Variants in SLC24A2 observed in about 807,000 individuals in gnomAD.
SLC24A2 encodes solute carrier family 24 member 2.
A neutral mutation model predicts 62.0 loss-of-function variants in SLC24A2; 36 were observed. The observed-to-expected ratio is 0.58, with a 90% confidence interval of 0.44 to 0.77. SLC24A2 has a LOEUF of 0.77. SLC24A2 is among the 30% of genes least tolerant of loss of function. The pLI is 0.00. For synonymous variants in SLC24A2, 358 were observed against 294.0 expected, an observed-to-expected ratio of 1.22 and a Z score of -2.23; for missense variants, 846 against 817.9, an observed-to-expected ratio of 1.03 and a Z score of -0.42.
the SLC24A2 span, among the ~76,000 whole-genome samples, chr9:20,210,019 T>C: frequency 6.6e-6 from 1 of 152,196 alleles, no homozygotes; most frequent in Non-Finnish European, 1.5e-5. Context: ...TGCAGACAGC[T>C]TAATTGAAGG....
At chr9:19,608,795 C>T (rs1315481874) in intron 4 of SLC24A2, among the ~76,000 whole-genome samples, 1 of 149,066 alleles carries the variant, frequency 6.7e-6, no homozygotes, top group Admixed American at 6.7e-5. Flanking sequence ...CACACACATA[C>T]ACACACACAC....
At chr9:19,517,076 C>G (rs1282468463) in intron 10 of SLC24A2, among the ~76,000 whole-genome samples, 3 of 152,196 alleles carry the variant, frequency 2.0e-5, no homozygotes, top group Non-Finnish European at 2.9e-5. Context: ...TACCTGTTTT[C>G]TCCCTTTTCA....
intron 8 of SLC24A2, among the ~76,000 whole-genome samples, chr9:19,541,425 G>T (rs1158281483): frequency 6.6e-6 from 1 of 152,058 alleles, no homozygotes; most frequent in Non-Finnish European, 1.5e-5. Context: ...CCTTCTAACA[G>T]ACAGGACCGT....
the SLC24A2 span, among the ~76,000 whole-genome samples, chr9:20,250,930 G>A: frequency 2.4e-4 from 37 of 152,092 alleles, no homozygotes; most frequent in African/African-American, 8.2e-4. Context: ...CTGATTCCTC[G>A]AAGCGCACTT....
intron 2 of SLC24A2, among the ~76,000 whole-genome samples, chr9:19,767,087 C>T (rs541115366): frequency 6.6e-6 from 1 of 152,290 alleles, no homozygotes; most frequent in Admixed American, 6.5e-5. Context: ...GACTTTGTTT[C>T]CACTGTGAGG....
chr9:19,668,638 C>G (rs1254062181), intron 2 of SLC24A2, among the ~76,000 whole-genome samples: 1 of 152,160 alleles, frequency 6.6e-6, no homozygotes, highest in Non-Finnish European at 1.5e-5. Flanking sequence ...TTCCCAGGCT[C>G]AAAGTATCCG....
intron 9 of SLC24A2, among the ~76,000 whole-genome samples, chr9:19,521,597 CAT>C (rs2132638481): frequency 6.6e-6 from 1 of 152,360 alleles, no homozygotes; most frequent in South Asian, 2.1e-4. Context: ...TTTGGTAACA[CAT>C]AGCAAAGCAA....
intron 2 of SLC24A2, among the ~76,000 whole-genome samples, chr9:19,624,217 C>T (rs753724666): frequency 1.3e-5 from 2 of 152,230 alleles, no homozygotes; most frequent in East Asian, 1.9e-4. Context: ...TGAGATTAAC[C>T]GTCAGAGCAC....
intron 8 of SLC24A2, among the ~76,000 whole-genome samples, chr9:19,546,472 C>T (rs187746009): frequency 6.6e-6 from 1 of 152,278 alleles, no homozygotes; most frequent in East Asian, 1.9e-4. Flanking sequence ...TTCCCGGTGG[C>T]TTTGTTTACA....
chr9:20,132,785 G>A, the SLC24A2 span, among the ~76,000 whole-genome samples: 44 of 152,050 alleles, frequency 2.9e-4, no homozygotes, highest in East Asian at 7.9e-3. Flanking sequence ...TATGTTTTTA[G>A]GTTCAATTTA....
At chr9:19,828,768 G>C in the SLC24A2 span, among the ~76,000 whole-genome samples, 1 of 152,336 alleles carries the variant, frequency 6.6e-6, no homozygotes, top group East Asian at 1.9e-4. Flanking sequence ...GGGTGGGTAA[G>C]TGGAGGGGAG....
chr9:20,141,769 C>T, the SLC24A2 span, among the ~76,000 whole-genome samples: 14 of 152,094 alleles, frequency 9.2e-5, no homozygotes, highest in Admixed American at 2.6e-4. Context: ...GCACCTAATA[C>T]GCTATAAAGA....
chr9:19,906,122 A>T, the SLC24A2 span, among the ~76,000 whole-genome samples: 1 of 152,352 alleles, frequency 6.6e-6, no homozygotes, highest in East Asian at 1.9e-4. Context: ...ATTATAACAA[A>T]CTGCCTCTCA....
At chr9:20,307,534 C>T in the SLC24A2 span, among the ~76,000 whole-genome samples, 1 of 152,154 alleles carries the variant, frequency 6.6e-6, no homozygotes, top group Non-Finnish European at 1.5e-5. Flanking sequence ...GAGAAAATTC[C>T]AGCAAATTGT....
chr9:20,092,028 A>G, the SLC24A2 span, among the ~76,000 whole-genome samples: 9 of 152,342 alleles, frequency 5.9e-5, no homozygotes. Context: ...ATTTATAAGT[A>G]GGAGCTAAAT....
chr9:19,684,005 G>A (rs553170856), intron 2 of SLC24A2, among the ~76,000 whole-genome samples: 31 of 152,174 alleles, frequency 2.0e-4, no homozygotes, highest in African/African-American at 7.0e-4. Context: ...ATTTGGAAAG[G>A]GCAATTTATT....
intron 7 of SLC24A2, among the ~76,000 whole-genome samples, chr9:19,558,908 G>A (rs1049239083): frequency 2.6e-5 from 4 of 152,212 alleles, no homozygotes; most frequent in Non-Finnish European, 5.9e-5. Flanking sequence ...GCTCCTAGGA[G>A]AAGACATCTT....
the SLC24A2 span, among the ~76,000 whole-genome samples, chr9:20,230,087 T>G: frequency 3.9e-5 from 6 of 152,228 alleles, no homozygotes; most frequent in Non-Finnish European, 8.8e-5. Context: ...GGCTGCATAG[T>G]ATTCCATGGT....
chr9:20,128,038 C>T, the SLC24A2 span, among the ~76,000 whole-genome samples: 1 of 151,884 alleles, frequency 6.6e-6, no homozygotes. Context: ...TTCCTTAAGC[C>T]TTTTGGTTTT....
Sources: gnomAD v4.1 joint callset for allele counts (sites outside exome capture counted in the v4.1 genomes callset) on GRCh38, gnomAD v4.1.1 for gene constraint, MANE v1.5 for transcripts, NCBI Gene and HGNC (gene_info 2026-07-23, HGNC 2026-07-21) for gene names.